CNTNAP5: variants seen among roughly 807,000 people sequenced by gnomAD.
The protein encoded by CNTNAP5 is contactin-associated protein-like 5.
In CNTNAP5, 72 loss-of-function variants were observed where a neutral mutation model predicts 150.2. The ratio of observed to expected loss-of-function variants is 0.48; its 90% confidence interval spans 0.40 to 0.58. The LOEUF (loss-of-function observed/expected upper bound fraction) is 0.58, where lower values mean the gene tolerates loss of function less well. Ranked by LOEUF, CNTNAP5 falls within the 20% of genes least tolerant of loss-of-function variation. CNTNAP5 has a pLI of 0.00. For synonymous variants in CNTNAP5, 672 were observed against 619.8 expected, an observed-to-expected ratio of 1.08 and a Z score of -1.25; for missense variants, 1,636 against 1,626.2, an observed-to-expected ratio of 1.01 and a Z score of -0.10.
chr2:124,072,413 C>A (rs992966925), intron 1 of CNTNAP5, among the ~76,000 whole-genome samples: 1 of 151,764 alleles, frequency 6.6e-6, no homozygotes, highest in Non-Finnish European at 1.5e-5. Context: ...ATAGAACATT[C>A]AAATTATAAA....
In CNTNAP5 at chr2:124,828,735, C is replaced by CAAAA. The variant is rs60339676; in HGVS notation, c.3217+30449_3217+30452dup. On this transcript the variant is annotated intron_variant, in intron 19 of 23. Coordinates refer to ENST00000682447, the MANE Select transcript of CNTNAP5 (RefSeq NM_001367498.1). ...CCTTGCAGACCAATGCAAGTGTTGG[C>CAAAA]AAAAAAAAAAAAAAAAAAAAAAAAA... 6.5e-4 allele frequency among the ~76,000 whole-genome samples: 15 copies of CAAAA among 23,110 alleles called. 4 individuals are homozygous for CAAAA. The highest frequency in any genetic ancestry group is 7.6e-4 in the Non-Finnish European group (9 of 11,860). The allele number at this position is 23,110 out of a possible 152,430, so 15.2% of individuals were successfully genotyped here. A position where few individuals can be genotyped will look rare whatever the true frequency, so the allele number is the denominator to read the frequency against.
intron 19 of CNTNAP5, among the ~76,000 whole-genome samples, chr2:124,809,670 T>TA (rs1170329862): frequency 6.6e-6 from 1 of 151,650 alleles, no homozygotes; most frequent in African/African-American, 2.4e-5. Flanking sequence ...AGATGGGAGA[T>TA]AAAATCTGAG....
intron 18 of CNTNAP5, among the ~76,000 whole-genome samples, chr2:124,797,229 C>CCAGTGCTGAGTCACT (rs1193955825): frequency 6.6e-6 from 1 of 152,192 alleles, no homozygotes; most frequent in Non-Finnish European, 1.5e-5. Flanking sequence ...AGACTCAGAT[C>CCAGTGCTGAGTCACT]CAGTGCTGAG....
chr2:124,777,015 T>C (rs917514072), intron 17 of CNTNAP5, among the ~76,000 whole-genome samples: 1 of 151,962 alleles, frequency 6.6e-6, no homozygotes, highest in African/African-American at 2.4e-5. Context: ...AGGGAAATTG[T>C]TTTGGTTGGT....
intron 17 of CNTNAP5, among the ~76,000 whole-genome samples, chr2:124,787,308 A>T (rs1160519876): frequency 6.6e-6 from 1 of 152,228 alleles, no homozygotes; most frequent in Non-Finnish European, 1.5e-5. Context: ...CTCTCTAGGA[A>T]AGAAATAATG....
chr2:124,798,459 T>C (rs1045255404), intron 19 of CNTNAP5, 139 bp downstream of exon 19: 2 of 634,412 alleles, frequency 3.2e-6, no homozygotes, highest in Non-Finnish European at 5.5e-6. Context: ...AGCCAAATCC[T>C]TGATTATTCT....
At chr2:124,910,592 A>C (rs1678634748) in intron 22 of CNTNAP5, among the ~76,000 whole-genome samples, 1 of 151,962 alleles carries the variant, frequency 6.6e-6, no homozygotes, top group Non-Finnish European at 1.5e-5. Context: ...AAAGACTCTG[A>C]GTGCAGTAGT....
intron 13 of CNTNAP5, among the ~76,000 whole-genome samples, chr2:124,703,620 T>C (rs368502507): frequency 6.6e-6 from 1 of 152,166 alleles, no homozygotes; most frequent in Non-Finnish European, 1.5e-5. Context: ...GATGGCTAGT[T>C]TGAATATACC....
chr2:124,201,497 AC>A (rs1213452397), intron 1 of CNTNAP5, among the ~76,000 whole-genome samples: 2 of 152,228 alleles, frequency 1.3e-5, no homozygotes, highest in African/African-American at 4.8e-5. Context: ...GTCAAAGAAA[AC>A]AAAGCTTAGG....
At chr2:124,836,528 G>T (rs1256212953) in intron 19 of CNTNAP5, among the ~76,000 whole-genome samples, 1 of 151,940 alleles carries the variant, frequency 6.6e-6, no homozygotes, top group Admixed American at 6.6e-5. Context: ...AGGATTCCTG[G>T]GACACTTACT....
intron 13 of CNTNAP5, among the ~76,000 whole-genome samples, chr2:124,740,963 C>G (rs967627059): frequency 3.3e-5 from 5 of 152,140 alleles, no homozygotes; most frequent in Non-Finnish European, 7.4e-5. Context: ...TTCCATGGAG[C>G]TACACAAGTA....
rs550245612 is a variant in CNTNAP5, at chr2:124,339,698, T to C, written c.382-77745T>C. ...ATTGTATTAAAGAGTTTAATTGATG[T>C]GCGGGCAACCCACATGGGGAAACTG... On this transcript the variant is annotated intron_variant, in intron 3 of 23. Coordinates refer to ENST00000682447, the MANE Select transcript of CNTNAP5 (RefSeq NM_001367498.1). 5.9e-5 allele frequency among the ~76,000 whole-genome samples: 9 copies of C among 152,264 alleles called. No individual in the cohort carries two copies. The South Asian group carries it at 1.9e-3, about 32-fold the overall frequency.
chr2:124,807,418 A>G (rs538314417), intron 19 of CNTNAP5, among the ~76,000 whole-genome samples: 21 of 152,286 alleles, frequency 1.4e-4, no homozygotes, highest in African/African-American at 4.6e-4. Context: ...TCAGCTAGAA[A>G]ATATTTCCTA....
chr2:124,481,226 A>C (rs1309744265), intron 7 of CNTNAP5, among the ~76,000 whole-genome samples: 2 of 152,150 alleles, frequency 1.3e-5, no homozygotes, highest in Admixed American at 1.3e-4. Context: ...GCAGCCATTA[A>C]TCCCAAGACC....
At chr2:124,798,717 T>A (rs568227209) in intron 19 of CNTNAP5, among the ~76,000 whole-genome samples, 1 of 152,202 alleles carries the variant, frequency 6.6e-6, no homozygotes, top group African/African-American at 2.4e-5. Flanking sequence ...ACAATGAGCA[T>A]ACATGCAGGC....
chr2:124,347,984 C>T (rs1186170400), intron 3 of CNTNAP5, among the ~76,000 whole-genome samples: 2 of 151,984 alleles, frequency 1.3e-5, no homozygotes, highest in East Asian at 1.9e-4. Context: ...CCTGCCACCA[C>T]GCCCGGCTAA....
chr2:124,172,160 A>G (rs1369334886), intron 1 of CNTNAP5, among the ~76,000 whole-genome samples: 1 of 152,192 alleles, frequency 6.6e-6, no homozygotes, highest in African/African-American at 2.4e-5. Flanking sequence ...GGAATTCTTG[A>G]GAGTACCAAG....
At chr2:124,258,444 G>A (rs1348163729) in intron 3 of CNTNAP5, among the ~76,000 whole-genome samples, 1 of 152,140 alleles carries the variant, frequency 6.6e-6, no homozygotes, top group Non-Finnish European at 1.5e-5. Flanking sequence ...GGGTTATGAG[G>A]ATGCATTTGG....
intron 3 of CNTNAP5, among the ~76,000 whole-genome samples, chr2:124,302,211 T>C (rs1013009547): frequency 6.6e-6 from 1 of 152,208 alleles, no homozygotes; most frequent in African/African-American, 2.4e-5. Context: ...TATTTGGTTA[T>C]AGAAATTCTA....
Sources: gnomAD v4.1 joint callset for allele counts (sites outside exome capture counted in the v4.1 genomes callset) on GRCh38, gnomAD v4.1.1 for gene constraint, MANE v1.5 for transcripts, NCBI Gene and HGNC (gene_info 2026-07-23, HGNC 2026-07-21) for gene names.